NFIB: variants seen among roughly 807,000 people sequenced by gnomAD.
The protein encoded by NFIB is nuclear factor 1 B-type.
In NFIB, 11 loss-of-function variants were observed where a neutral mutation model predicts 61.5. That is an observed-to-expected ratio of 0.18 (90% confidence interval 0.11 to 0.30). NFIB has a LOEUF of 0.30. NFIB is among the 10% of genes least tolerant of loss of function. The pLI is 1.00. For synonymous variants in NFIB, 260 were observed against 216.5 expected, an observed-to-expected ratio of 1.20 and a Z score of -1.76; for missense variants, 471 against 608.9, an observed-to-expected ratio of 0.77 and a Z score of 2.38.
At chr9:14,096,592 T>C (rs1217226301) in intron 10 of NFIB, 1 of 152,170 alleles carries the variant, frequency 6.6e-6, no homozygotes, top group Admixed American at 6.6e-5. Flanking sequence ...CATTATTGAT[T>C]CCTATGGTCC....
intron 2 of NFIB, among the ~76,000 whole-genome samples, chr9:14,207,107 G>A (rs539296158): frequency 5.3e-5 from 8 of 152,086 alleles, no homozygotes; most frequent in Non-Finnish European, 8.8e-5. Flanking sequence ...CATAGATTTC[G>A]TCCTTGCGAT....
chr9:14,088,139 TC>T lies in NFIB; in HGVS notation c.*169del, dbSNP rs200154557. On this transcript the variant is annotated 3_prime_UTR_variant, in exon 11 of 11. Transcript: ENST00000380953. ...GTTGTTTTGTCCAGTCTTCCTCTTT[TC>T]CTTTTTTTTTATTTAAAAAAAAAAT... 1,050 of 1,384,952 alleles carry T rather than the reference TC, an allele frequency of 7.6e-4. 8 individuals are homozygous for T. The East Asian group carries it at 7.6e-3, about 10-fold the overall frequency. The allele number at this position is 1,384,952 out of a possible 1,614,324, so 85.8% of individuals were successfully genotyped here. A position where few individuals can be genotyped will look rare whatever the true frequency, so the allele number is the denominator to read the frequency against.
chr9:14,148,042 T>C (rs976288862), intron 5 of NFIB, among the ~76,000 whole-genome samples: 1 of 152,130 alleles, frequency 6.6e-6, no homozygotes, highest in African/African-American at 2.4e-5. Flanking sequence ...CCCATAGTGG[T>C]TGATATACTT....
the NFIB span, among the ~76,000 whole-genome samples, chr9:14,517,917 G>C: frequency 6.6e-6 from 1 of 152,146 alleles, no homozygotes; most frequent in Admixed American, 6.5e-5. Flanking sequence ...CCAGCTTCAA[G>C]ATGAGTTAGG....
At chr9:14,131,338 G>A (rs1448470587) in intron 6 of NFIB, among the ~76,000 whole-genome samples, 3 of 152,082 alleles carry the variant, frequency 2.0e-5, no homozygotes, top group South Asian at 4.1e-4. Context: ...ATTATCACAC[G>A]ATTTTTCCTG....
intron 6 of NFIB, among the ~76,000 whole-genome samples, chr9:14,138,976 C>T (rs997961073): frequency 6.6e-6 from 1 of 152,000 alleles, no homozygotes; most frequent in Admixed American, 6.6e-5. Context: ...ACCCTGAAAA[C>T]TCACAAATAC....
chr9:14,298,461 C>A (rs1245364261), intron 2 of NFIB, among the ~76,000 whole-genome samples: 6 of 152,102 alleles, frequency 3.9e-5, no homozygotes, highest in Non-Finnish European at 7.4e-5. Flanking sequence ...TATGTACCAT[C>A]ATAAAACAGA....
chr9:14,246,486 A>C (rs1283208279), intron 2 of NFIB, among the ~76,000 whole-genome samples: 1 of 151,778 alleles, frequency 6.6e-6, no homozygotes, highest in East Asian at 1.9e-4. Context: ...TTCCTAATCA[A>C]CCCTGCATTG....
At chr9:14,247,093 C>T (rs188297733) in intron 2 of NFIB, among the ~76,000 whole-genome samples, 1 of 152,210 alleles carries the variant, frequency 6.6e-6, no homozygotes, top group East Asian at 1.9e-4. Flanking sequence ...GATGCTAATT[C>T]CCTGATCTCA....
chr9:14,378,197 G>C (rs2061441838), intron 1 of NFIB, among the ~76,000 whole-genome samples: 1 of 152,092 alleles, frequency 6.6e-6, no homozygotes. Context: ...GCTTCAGAAT[G>C]GTATTATAAA....
intron 2 of NFIB, among the ~76,000 whole-genome samples, chr9:14,205,917 T>C (rs1008756792): frequency 2.0e-5 from 3 of 146,666 alleles, no homozygotes; most frequent in Non-Finnish European, 4.4e-5. Flanking sequence ...TATTCTCCAG[T>C]AGTCACCTGA....
the NFIB span, among the ~76,000 whole-genome samples, chr9:14,488,602 G>A: frequency 6.6e-6 from 1 of 152,136 alleles, no homozygotes; most frequent in African/African-American, 2.4e-5. Flanking sequence ...AGTTCCCCCA[G>A]TCCCTGGCTG....
At chr9:14,215,146 C>A (rs1295291868) in intron 2 of NFIB, among the ~76,000 whole-genome samples, 1 of 141,888 alleles carries the variant, frequency 7.0e-6, no homozygotes, top group Non-Finnish European at 1.5e-5. Flanking sequence ...GGGTGCTTAG[C>A]AGAGCAAGAA....
chr9:14,523,927 A>C, the NFIB span, among the ~76,000 whole-genome samples: 2 of 152,130 alleles, frequency 1.3e-5, no homozygotes, highest in Non-Finnish European at 2.9e-5. Context: ...TTTCATCATA[A>C]TTCCAACATG....
the NFIB span, among the ~76,000 whole-genome samples, chr9:14,505,180 C>A: frequency 6.6e-6 from 1 of 152,062 alleles, no homozygotes; most frequent in African/African-American, 2.4e-5. Context: ...TGGTATGAAA[C>A]CCACTTGATC....
chr9:14,423,489 G>A, the NFIB span, among the ~76,000 whole-genome samples: 2 of 152,028 alleles, frequency 1.3e-5, no homozygotes. Flanking sequence ...TTTACTTAGC[G>A]TGACATCGAG....
chr9:14,412,515 T>C, the NFIB span, among the ~76,000 whole-genome samples: 4 of 152,216 alleles, frequency 2.6e-5, no homozygotes, highest in East Asian at 3.8e-4. Context: ...GGTTCATTCT[T>C]CTCCTGCTGC....
At chr9:14,415,037 G>A in the NFIB span, among the ~76,000 whole-genome samples, 3 of 152,192 alleles carry the variant, frequency 2.0e-5, no homozygotes, top group African/African-American at 7.2e-5. Context: ...ACACACTTCA[G>A]CTGGGTCTTT....
At chr9:14,140,126 A>G (rs2041518168) in intron 6 of NFIB, among the ~76,000 whole-genome samples, 1 of 152,128 alleles carries the variant, frequency 6.6e-6, no homozygotes, top group African/African-American at 2.4e-5. Flanking sequence ...CATCCCTGTG[A>G]TACTAACTGC....
Sources: gnomAD v4.1 joint callset for allele counts (sites outside exome capture counted in the v4.1 genomes callset) on GRCh38, gnomAD v4.1.1 for gene constraint, MANE v1.5 for transcripts, NCBI Gene and HGNC (gene_info 2026-07-23, HGNC 2026-07-21) for gene names.